HCRTR2: variants seen among roughly 807,000 people sequenced by gnomAD.
HCRTR2 encodes the protein hypocretin receptor 2.
In HCRTR2, 22 loss-of-function variants were observed where a neutral mutation model predicts 49.0. The observed-to-expected ratio is 0.45, with a 90% CI of 0.32 to 0.64. HCRTR2 has a LOEUF of 0.64. Ranked by LOEUF, HCRTR2 falls within the 30% of genes least tolerant of loss-of-function variation. HCRTR2 has a pLI of 0.04. For synonymous variants in HCRTR2, 236 were observed against 205.3 expected, an observed-to-expected ratio of 1.15 and a Z score of -1.28; for missense variants, 491 against 559.4, an observed-to-expected ratio of 0.88 and a Z score of 1.23.
At chr6:55,178,101 T>C (rs1053753973) in intron 1 of HCRTR2, among the ~76,000 whole-genome samples, 6 of 152,144 alleles carry the variant, frequency 3.9e-5, no homozygotes, top group African/African-American at 1.2e-4. Context: ...TAAATTAGTG[T>C]GTATATCAGG....
At chr6:55,146,995 G>GA (rs1429380029) in intron 1 of HCRTR2, among the ~76,000 whole-genome samples, 2 of 152,138 alleles carry the variant, frequency 1.3e-5, no homozygotes, top group Non-Finnish European at 2.9e-5. Context: ...ATTGGTATGG[G>GA]ATGCTACCTA....
Position 55,136,416 on chromosome 6 carries a change from G to A in HCRTR2, c.-378+29871G>A, listed in dbSNP as rs565378397. ...TAACTTTGGTCTTTTTATTTACTTT[G>A]TCTGTGGAGTAGAATGTTAGACACT... is the stretch of plus-strand genomic sequence containing the variant. On this transcript the variant is annotated intron_variant, in intron 1 of 7. Coordinates refer to the HCRTR2 transcript ENST00000615358. Among the ~76,000 whole-genome samples, 8 of 151,966 alleles carry A rather than the reference G, an allele frequency of 5.3e-5. No individual in the cohort carries two copies. In the South Asian group the frequency reaches 1.7e-3, roughly 32 times the overall value.
At chr6:55,132,659 A>G (rs1267061782) in intron 1 of HCRTR2, among the ~76,000 whole-genome samples, 3 of 151,712 alleles carry the variant, frequency 2.0e-5, no homozygotes, top group Non-Finnish European at 4.4e-5. Context: ...TCTTAAGCTT[A>G]AGGGAAAGAA....
intron 1 of HCRTR2, among the ~76,000 whole-genome samples, chr6:55,219,437 TTG>T (rs1352164255): frequency 2.0e-5 from 3 of 152,176 alleles, no homozygotes; most frequent in African/African-American, 7.2e-5. Context: ...CAATAAATTC[TTG>T]AACAGTCCAT....
chr6:55,224,788 T>G (rs922075175), intron 1 of HCRTR2, among the ~76,000 whole-genome samples: 2 of 152,284 alleles, frequency 1.3e-5, no homozygotes, highest in East Asian at 3.9e-4. Context: ...CTCGCTTATA[T>G]GTGAAATCTA....
intron 1 of HCRTR2, among the ~76,000 whole-genome samples, chr6:55,128,505 C>T (rs975678079): frequency 2.6e-5 from 4 of 152,124 alleles, no homozygotes; most frequent in African/African-American, 9.7e-5. Context: ...CTATAAATTG[C>T]TTAGGGCAGT....
At position 55,196,984 on chromosome 6, in the gene HCRTR2, ATCTTATCTACAG is replaced by A. The variant is rs373542772; in HGVS notation, c.223+22175_223+22186del. Among the ~76,000 whole-genome samples the A allele has an allele frequency of 3.6e-3, 548 of 152,144 alleles. 3 individuals carry two copies. Among genetic ancestry groups the A allele is most frequent in the African/African-American group, 0.013 (528 of 41,518 alleles). ...AAATCTAACACTAACACTAAACCCA[ATCTTATCTACAG>A]CCCTAACTGCACCCTAATATTAACA... On this transcript the variant is annotated intron_variant, in intron 1 of 6. Transcript: ENST00000370862.
Position 55,109,712 on chromosome 6 carries a change from G to A in HCRTR2, c.-378+3167G>A, listed in dbSNP as rs982288468. On this transcript the variant is annotated intron_variant, in intron 1 of 7. Transcript: ENST00000615358. Reference sequence around the variant, plus strand: ...TTTTAATGAAAAAAGCCTCCAAGAAGTTTGGGATATGTTAAGCAGCCAAAC... The same window carrying A: ...TTTTAATGAAAAAAGCCTCCAAGAAATTTGGGATATGTTAAGCAGCCAAAC... Among the ~76,000 whole-genome samples, 9 of 152,042 alleles carry A rather than the reference G, an allele frequency of 5.9e-5. No individual in the cohort carries two copies. The South Asian group carries it at 6.2e-4, about 11-fold the overall frequency.
intron 1 of HCRTR2, among the ~76,000 whole-genome samples, chr6:55,241,094 T>G (rs985886420): frequency 6.6e-6 from 1 of 151,226 alleles, no homozygotes; most frequent in Non-Finnish European, 1.5e-5. Flanking sequence ...TTTAGCATTA[T>G]GTATATCTCC....
intron 1 of HCRTR2, among the ~76,000 whole-genome samples, chr6:55,123,314 T>C (rs1184260964): frequency 1.3e-5 from 2 of 152,010 alleles, no homozygotes; most frequent in Admixed American, 1.3e-4. Flanking sequence ...ATACCTAGTT[T>C]ATTGAGAGTT....
chr6:55,152,164 T>C (rs1764672360), intron 1 of HCRTR2, among the ~76,000 whole-genome samples: 1 of 151,980 alleles, frequency 6.6e-6, no homozygotes, highest in Non-Finnish European at 1.5e-5. Flanking sequence ...CTTTCCATAG[T>C]GGTCACATCA....
upstream of HCRTR2, among the ~76,000 whole-genome samples, chr6:55,172,584 A>C (rs888640406): frequency 6.6e-6 from 1 of 152,176 alleles, no homozygotes; most frequent in Non-Finnish European, 1.5e-5. Flanking sequence ...AAAATGTGAT[A>C]TCTATACAAT....
At chr6:55,239,621 C>T (rs2127304679) in intron 1 of HCRTR2, among the ~76,000 whole-genome samples, 1 of 152,166 alleles carries the variant, frequency 6.6e-6, no homozygotes, top group South Asian at 2.1e-4. Context: ...CATTGGTTGA[C>T]AAAAGTGAGA....
intron 1 of HCRTR2, among the ~76,000 whole-genome samples, chr6:55,132,754 T>C (rs973629474): frequency 1.0e-4 from 8 of 76,518 alleles, no homozygotes; most frequent in South Asian, 4.2e-4. Flanking sequence ...TCTCTCTCTT[T>C]TTTTTTTTTT....
chr6:55,178,832 T>G (rs1765084103), intron 1 of HCRTR2, among the ~76,000 whole-genome samples: 1 of 152,228 alleles, frequency 6.6e-6, no homozygotes, highest in African/African-American at 2.4e-5. Flanking sequence ...TGGAATAGTT[T>G]GCTTTCTCTC....
chr6:55,168,302 A>AT (rs917868969), intron 1 of HCRTR2, among the ~76,000 whole-genome samples: 2 of 152,252 alleles, frequency 1.3e-5, no homozygotes, highest in African/African-American at 4.8e-5. Context: ...ATACAACTGG[A>AT]TTTTTTTAAA....
At chr6:55,276,529 T>C (rs1343792318) in intron 4 of HCRTR2, among the ~76,000 whole-genome samples, 2 of 152,196 alleles carry the variant, frequency 1.3e-5, no homozygotes, top group Non-Finnish European at 2.9e-5. Context: ...TTGGCACATT[T>C]TCCTCTTTAA....
intron 3 of HCRTR2, among the ~76,000 whole-genome samples, chr6:55,261,522 G>A (rs1257785024): frequency 6.6e-6 from 1 of 151,810 alleles, no homozygotes; most frequent in Non-Finnish European, 1.5e-5. Context: ...CTCCTGCCTT[G>A]GTCTCCCAAA....
intron 1 of HCRTR2, among the ~76,000 whole-genome samples, chr6:55,134,851 CTT>C (rs1346539037): frequency 6.6e-6 from 1 of 151,928 alleles, no homozygotes; most frequent in Non-Finnish European, 1.5e-5. Context: ...TTCTCTCTCT[CTT>C]TCTCTGTGTG....
Sources: allele counts gnomAD v4.1 joint callset (sites outside exome capture counted in the v4.1 genomes callset), GRCh38; gene constraint gnomAD v4.1.1; transcripts MANE v1.5; gene names NCBI Gene and HGNC (gene_info 2026-07-23, HGNC 2026-07-21).